The following MGA variants were observed in gnomAD, a reference collection of about 807,000 sequenced individuals.
The protein encoded by MGA is MAX gene-associated protein.
A neutral mutation model predicts 261.1 loss-of-function variants in MGA; 40 were observed. The observed-to-expected ratio is 0.15, with a 90% CI of 0.12 to 0.20. The LOEUF (loss-of-function observed/expected upper bound fraction) is 0.20. MGA is among the 10% of genes least tolerant of loss of function. The pLI is 1.00. For synonymous variants in MGA, 1,302 were observed against 1,290.6 expected, an observed-to-expected ratio of 1.01 and a Z score of -0.19; for missense variants, 3,397 against 3,630.5, an observed-to-expected ratio of 0.94 and a Z score of 1.65.
In MGA at chr15:41,749,413, C is replaced by T; in HGVS notation, c.5806C>T (p.Leu1936Phe). Residue 1936 changes from leucine (L) to phenylalanine (F), a missense_variant, in exon 17 of 24, where the codon CTT becomes TTT. Leu to Phe is a conservative substitution (Grantham distance 22). Around this residue, in one of 9 missense-constraint regions of MGA, gnomAD observed 1,410 missense variants for 1,386.4 expected, o/e 1.02. Transcript: ENST00000219905. ...AGGACAGCCTGTTGGTACAGCCAGT[C>T]TTATTCCTCTCCAGTCTGGTAGTTT... 6.2e-7 allele frequency: 1 copy of T among 1,614,024 alleles called. No homozygotes were observed.
upstream of MGA, among the ~76,000 whole-genome samples, chr15:41,656,401 G>A (rs937000442): frequency 1.0e-5 from 1 of 100,404 alleles, no homozygotes; most frequent in Non-Finnish European, 2.2e-5. Context: ...GAGTGCAGTG[G>A]CATGATCTTG....
chr15:41,767,234 C>T lies in MGA; in HGVS notation c.9152C>T (p.Ala3051Val), dbSNP rs1232759199. 1.2e-6 allele frequency: 2 copies of T among 1,613,482 alleles called. No individual in the cohort carries two copies. The highest frequency in any genetic ancestry group is 1.7e-6 in the Non-Finnish European group (2 of 1,179,646). The change falls in exon 24 of 24, where the codon GCT becomes GTT. Residue 3051 changes from alanine to valine, a missense_variant. This residue lies in a region of MGA where 647 missense variants were observed against 642.4 expected (regional missense o/e 1.01). Transcript: ENST00000219905. The stretch of plus-strand genomic sequence containing the variant: ...ATGCCTACATTGGCACCTGTTGTGG[C>T]TAAATTGGGCAACTCGGGGGCCTCA...
chr15:41,727,278 C>G lies in MGA; in HGVS notation c.3529C>G (p.Pro1177Ala). 1 of 1,613,952 alleles carries G rather than the reference C, an allele frequency of 6.2e-7. No homozygotes were observed. The highest frequency in any genetic ancestry group is 8.5e-7 in the Non-Finnish European group (1 of 1,179,878). ...TCCAGAACCAGTTTATATCCCCACG[C>G]CTTCTGTCATTGAGCCTATGAAACC... The change falls in exon 10 of 24, where the codon CCT becomes GCT. Residue 1177 changes from proline to alanine, a missense_variant. Around this residue, in one of 9 missense-constraint regions of MGA, gnomAD observed 519 missense variants for 554.1 expected, o/e 0.94. Transcript: ENST00000219905.
At chr15:41,729,089 A>T in intron 10 of MGA, 75 bp from the exon 11 acceptor site, 1 of 1,407,884 alleles carries the variant, frequency 7.1e-7, no homozygotes, top group Non-Finnish European at 9.7e-7. Flanking sequence ...AAAAAAGATT[A>T]AACATTCGTT....
At chr15:41,650,161 T>G (rs933846538) in intron 1 of MGA, among the ~76,000 whole-genome samples, 6 of 152,236 alleles carry the variant, frequency 3.9e-5, no homozygotes, top group African/African-American at 1.4e-4. Context: ...TATCTGATAA[T>G]AGTTGTCTGA....
intron 7 of MGA, among the ~76,000 whole-genome samples, chr15:41,709,061 G>C (rs1052033503): frequency 6.6e-6 from 1 of 151,924 alleles, no homozygotes; most frequent in African/African-American, 2.4e-5. Flanking sequence ...ACTAAATTTT[G>C]TGGTTGGGCA....
At chr15:41,654,789 C>G (rs1412642867) in intron 1 of MGA, among the ~76,000 whole-genome samples, 1 of 152,206 alleles carries the variant, frequency 6.6e-6, no homozygotes, top group Non-Finnish European at 1.5e-5. Context: ...ACTGGGATTA[C>G]AGGCCCGAGC....
intron 1 of MGA, among the ~76,000 whole-genome samples, chr15:41,645,803 A>C (rs1468214589): frequency 1.3e-5 from 2 of 152,194 alleles, no homozygotes; most frequent in African/African-American, 2.4e-5. Flanking sequence ...CATCTCTCAT[A>C]CTGTTTTAAT....
intron 8 of MGA, among the ~76,000 whole-genome samples, 173 bp downstream of exon 8, chr15:41,711,522 T>G (rs2060384439): frequency 6.6e-6 from 1 of 152,122 alleles, no homozygotes; most frequent in South Asian, 2.1e-4. Context: ...ACCAACTAGA[T>G]ACTCAGGTGT....
chr15:41,677,144 A>G (rs2058427273), intron 2 of MGA, among the ~76,000 whole-genome samples: 1 of 152,054 alleles, frequency 6.6e-6, no homozygotes, highest in Non-Finnish European at 1.5e-5. Context: ...GGAGTTACGA[A>G]TTCTTTTTTT....
chr15:41,735,750 A>G (rs2061745146), intron 12 of MGA, among the ~76,000 whole-genome samples: 1 of 151,986 alleles, frequency 6.6e-6, no homozygotes. Flanking sequence ...AAAAAAAATC[A>G]GAATACTATT....
At chr15:41,732,645 C>T (rs1281399569) in intron 11 of MGA, among the ~76,000 whole-genome samples, 1 of 152,180 alleles carries the variant, frequency 6.6e-6, no homozygotes. Flanking sequence ...CCTCTGTGGC[C>T]TGTCTAGGGA....
intron 9 of MGA, among the ~76,000 whole-genome samples, chr15:41,720,100 A>G (rs1158517591): frequency 6.6e-6 from 1 of 152,224 alleles, no homozygotes; most frequent in Non-Finnish European, 1.5e-5. Context: ...GGAAATGCGA[A>G]GAATCTAGAA....
At chr15:41,691,786 G>C in intron 2 of MGA, 1 of 207,812 alleles carries the variant, frequency 4.8e-6, no homozygotes, top group Non-Finnish European at 1.1e-5. Context: ...TAGTCAGTCT[G>C]TTGTTCTCTT....
chr15:41,714,015 G>A (rs1405297473), intron 9 of MGA, among the ~76,000 whole-genome samples: 40 of 152,082 alleles, frequency 2.6e-4, no homozygotes, highest in Non-Finnish European at 2.9e-5. Context: ...ATATGATGTA[G>A]ATGTAGACCC....
intron 11 of MGA, 101 bp downstream of exon 11, chr15:41,729,450 A>G (rs1305675431): frequency 1.7e-6 from 2 of 1,165,320 alleles, no homozygotes; most frequent in Non-Finnish European, 2.4e-6. Flanking sequence ...TACAGGGCAG[A>G]GAAGTCATAC....
chr15:41,663,995 A>C (rs953812635), intron 1 of MGA, among the ~76,000 whole-genome samples: 4 of 152,220 alleles, frequency 2.6e-5, no homozygotes, highest in African/African-American at 9.6e-5. Context: ...GCCTAGATTG[A>C]TGTAGAATAA....
At chr15:41,690,026 C>T (rs1595730768) in intron 2 of MGA, among the ~76,000 whole-genome samples, 1 of 152,146 alleles carries the variant, frequency 6.6e-6, no homozygotes, top group East Asian at 1.9e-4. Context: ...TTCAGTGCTG[C>T]AGTCAGTTTT....
chr15:41,732,693 G>C (rs978934175), intron 11 of MGA, among the ~76,000 whole-genome samples: 1 of 152,194 alleles, frequency 6.6e-6, no homozygotes, highest in Non-Finnish European at 1.5e-5. Flanking sequence ...AGGTCAGCAT[G>C]TGCCTGGTAC....
Sources: allele counts gnomAD v4.1 joint callset (sites outside exome capture counted in the v4.1 genomes callset), GRCh38; gene constraint gnomAD v4.1.1; regional missense constraint gnomAD v4.1.1; transcripts MANE v1.5; gene names NCBI Gene and HGNC (gene_info 2026-07-23, HGNC 2026-07-21).